Variants in ITGA8 observed in about 807,000 individuals in gnomAD.
The protein encoded by ITGA8 is integrin subunit alpha 8.
A neutral mutation model predicts 142.3 loss-of-function variants in ITGA8; 91 were observed. The observed-to-expected ratio is 0.64, with a 90% CI of 0.54 to 0.76. ITGA8 has a LOEUF of 0.76. ITGA8 is among the 30% of genes least tolerant of loss of function. ITGA8 has a pLI of 0.00. For synonymous variants in ITGA8, 505 were observed against 485.2 expected (o/e 1.04, Z -0.54); for missense variants, 1,406 against 1,327.7 (o/e 1.06, Z -0.92).
At chr10:15,689,069 A>G (rs1834884787) in intron 2 of ITGA8, among the ~76,000 whole-genome samples, 2 of 152,250 alleles carry the variant, frequency 1.3e-5, no homozygotes, top group Non-Finnish European at 2.9e-5. Flanking sequence ...TGCAGATGAC[A>G]TAGTCTTATA....
At chr10:15,648,035 TAAAA>T (rs1486494231) in intron 11 of ITGA8, among the ~76,000 whole-genome samples, 3 of 152,072 alleles carry the variant, frequency 2.0e-5, no homozygotes, top group African/African-American at 7.2e-5. Flanking sequence ...GGAGAAAAAA[TAAAA>T]AAGTGGTTAC....
intron 3 of ITGA8, among the ~76,000 whole-genome samples, chr10:15,686,666 T>C (rs1834837606): frequency 6.6e-6 from 1 of 152,226 alleles, no homozygotes; most frequent in African/African-American, 2.4e-5. Context: ...TATAAAATTA[T>C]ACCATATAGG....
intron 10 of ITGA8, among the ~76,000 whole-genome samples, chr10:15,658,593 A>T (rs1834229245): frequency 6.6e-6 from 1 of 152,172 alleles, no homozygotes; most frequent in South Asian, 2.1e-4. Context: ...ATAAGATGGT[A>T]TAGTTGGCTC....
Position 15,687,936 on chromosome 10 carries a change from A to AC in ITGA8, c.444+1dup. On this transcript the variant is annotated splice_donor_variant, in intron 3 of 29. Transcript: ENST00000378076. LOFTEE classifies it high-confidence loss of function. ...CAGCACAAGCCCACGGCTCATACTC[A>AC]CCACAACTTTTCCTTTGTGAGCTTT... is the stretch of plus-strand genomic sequence containing the variant. The AC allele has an allele frequency of 6.3e-7, 1 of 1,589,738 alleles. No homozygotes were observed. The highest frequency in any genetic ancestry group is 8.6e-7 in the Non-Finnish European group (1 of 1,157,782).
At chr10:15,608,213 G>A (rs1473487602) in intron 16 of ITGA8, 22 bp downstream of exon 16, 1 of 1,552,038 alleles carries the variant, frequency 6.4e-7, no homozygotes, top group Non-Finnish European at 8.8e-7. Context: ...CCATAAGAAT[G>A]TAAAAATGAA....
chr10:15,642,894 C>T (rs1833896004), intron 13 of ITGA8, among the ~76,000 whole-genome samples: 1 of 152,164 alleles, frequency 6.6e-6, no homozygotes, highest in African/African-American at 2.4e-5. Flanking sequence ...AATAGCTCTA[C>T]ATATGGAAAA....
At chr10:15,665,527 C>A (rs141799628) in intron 8 of ITGA8, among the ~76,000 whole-genome samples, 1 of 151,510 alleles carries the variant, frequency 6.6e-6, no homozygotes, top group South Asian at 2.1e-4. Context: ...TTAATTAGAT[C>A]CCATTTGTCA....
At chr10:15,525,503 G>A (rs1002388645) in intron 28 of ITGA8, among the ~76,000 whole-genome samples, 8 of 151,664 alleles carry the variant, frequency 5.3e-5, no homozygotes, top group South Asian at 2.1e-4. Flanking sequence ...TTAGCCAGGC[G>A]TGGTGGCACA....
At chr10:15,715,780 T>C (rs1227117342) in intron 2 of ITGA8, among the ~76,000 whole-genome samples, 3 of 152,242 alleles carry the variant, frequency 2.0e-5, no homozygotes, top group Non-Finnish European at 2.9e-5. Context: ...TGGAAATAGC[T>C]ACACTGGCAT....
At chr10:15,625,569 A>G (rs1403743322) in intron 13 of ITGA8, among the ~76,000 whole-genome samples, 1 of 152,204 alleles carries the variant, frequency 6.6e-6, no homozygotes, top group Non-Finnish European at 1.5e-5. Flanking sequence ...GCTCACAAAG[A>G]TGCTTCCCTG....
chr10:15,613,643 G>A lies in ITGA8; in HGVS notation c.1553+17C>T, dbSNP rs371748454. Reference sequence around the variant, plus strand: ...GTGAATTCACATTGGAGTTTGAGAAGCACCGGACTAACTCACCAGGCAGCA... The same window carrying A: ...GTGAATTCACATTGGAGTTTGAGAAACACCGGACTAACTCACCAGGCAGCA... On this transcript the variant is annotated intron_variant, in intron 15 of 29. Transcript: ENST00000378076. 5 of 1,508,190 alleles carry A rather than the reference G, an allele frequency of 3.3e-6. No homozygotes were observed. In the South Asian group the frequency reaches 5.6e-5, roughly 17 times the overall value. The allele number at this position is 1,508,190 out of a possible 1,614,324, so 93.4% of individuals were successfully genotyped here.
Position 15,687,955 on chromosome 10 carries a change from GA to G in ITGA8, c.426del (p.His143ThrfsTer31). 6.2e-7 allele frequency: 1 copy of G among 1,611,470 alleles called. No individual in the cohort carries two copies. The highest frequency in any genetic ancestry group is 8.5e-7 in the Non-Finnish European group (1 of 1,177,676). On this transcript the variant is annotated frameshift_variant, in exon 3 of 30. Coordinates refer to ENST00000378076, the MANE Select transcript of ITGA8 (RefSeq NM_003638.3). LOFTEE classifies it high-confidence loss of function. ...ATACTCACCACAACTTTTCCTTTGT[GA>G]GCTTTCACTGTTGCTCCAAACCACT... Reference protein sequence around the residue: ...SNQWFGATVKAHKGKVVACAP... With the variant: ...SNQWFGATVKXHKGKVVACAP...
intron 8 of ITGA8, among the ~76,000 whole-genome samples, chr10:15,666,454 T>C (rs1252302494): frequency 6.6e-6 from 1 of 152,220 alleles, no homozygotes; most frequent in East Asian, 1.9e-4. Context: ...TACAGTCATG[T>C]CATCTGCAAA....
At chr10:15,528,247 C>T (rs1418462177) in intron 28 of ITGA8, among the ~76,000 whole-genome samples, 1 of 152,012 alleles carries the variant, frequency 6.6e-6, no homozygotes. Context: ...GCTGGGCTCC[C>T]TTCAAGAGAA....
chr10:15,603,938 C>T (rs1019991778), intron 20 of ITGA8, among the ~76,000 whole-genome samples: 5 of 152,154 alleles, frequency 3.3e-5, no homozygotes, highest in Admixed American at 3.3e-4. Flanking sequence ...CATTGGTAAG[C>T]TTCTTCTTTC....
chr10:15,576,846 A>G (rs2131584574), intron 23 of ITGA8, among the ~76,000 whole-genome samples: 1 of 152,344 alleles, frequency 6.6e-6, no homozygotes, highest in African/African-American at 2.4e-5. Context: ...TAAATTGCAT[A>G]GCTCTTTGCA....
intron 13 of ITGA8, among the ~76,000 whole-genome samples, chr10:15,634,943 T>C (rs1833745695): frequency 6.6e-6 from 1 of 151,992 alleles, no homozygotes; most frequent in Non-Finnish European, 1.5e-5. Context: ...AGTCCAAAAG[T>C]ATTTCCAAGA....
chr10:15,519,515 A>G (rs1439699737), intron 28 of ITGA8, 103 bp from the exon 29 acceptor site: 2 of 1,244,714 alleles, frequency 1.6e-6, no homozygotes, highest in East Asian at 2.3e-5. Context: ...GAAAGGATCC[A>G]TATGACAATT....
At chr10:15,662,257 TATTC>T (rs1819355563) in intron 8 of ITGA8, among the ~76,000 whole-genome samples, 1 of 149,890 alleles carries the variant, frequency 6.7e-6, no homozygotes, top group Non-Finnish European at 1.5e-5. Context: ...CTACAAAAAA[TATTC>T]AGTTGCAAGA....
Sources: gnomAD v4.1 joint callset for allele counts (sites outside exome capture counted in the v4.1 genomes callset) on GRCh38, gnomAD v4.1.1 for gene constraint, MANE v1.5 for transcripts, NCBI Gene and HGNC (gene_info 2026-07-23, HGNC 2026-07-21) for gene names.